Variants in TNRC6B observed in about 807,000 individuals in gnomAD.
TNRC6B encodes trinucleotide repeat containing adaptor 6B, also known as trinucleotide repeat-containing gene 6B protein.
A neutral mutation model predicts 203.6 loss-of-function variants in TNRC6B; 52 were observed. The observed-to-expected ratio is 0.26, with a 90% confidence interval of 0.20 to 0.32. The LOEUF is 0.32. Ranked by LOEUF, TNRC6B falls within the 10% of genes least tolerant of loss-of-function variation. TNRC6B has a pLI of 1.00. For synonymous variants in TNRC6B, 838 were observed against 845.7 expected, an observed-to-expected ratio of 0.99 and a Z score of 0.16; for missense variants, 1,923 against 2,286.2, an observed-to-expected ratio of 0.84 and a Z score of 3.24.
intron 1 of TNRC6B, among the ~76,000 whole-genome samples, chr22:40,085,101 C>T (rs954070442): frequency 1.3e-5 from 2 of 152,142 alleles, no homozygotes; most frequent in Non-Finnish European, 2.9e-5. Context: ...TTTCAATAGC[C>T]TGTGGAAAGG....
chr22:40,279,882 A>T lies in TNRC6B; in HGVS notation c.3263-113A>T, dbSNP rs1197936538. 3 of 836,822 alleles carry T rather than the reference A, an allele frequency of 3.6e-6. No individual in the cohort carries two copies. In the Admixed American group the frequency reaches 7.1e-5, roughly 20 times the overall value. The allele number at this position is 836,822 out of a possible 1,614,324, so 51.8% of individuals were successfully genotyped here. ...TCTCGTCTTATCCCCAGAAATAGAA[A>T]TATTAATAGCTTATACCCAGCACCC... On this transcript the variant is annotated intron_variant, in intron 9 of 22. Coordinates refer to ENST00000454349, the MANE Select transcript of TNRC6B (RefSeq NM_001162501.2).
chr22:40,158,631 A>G (rs1427746671), intron 4 of TNRC6B, among the ~76,000 whole-genome samples: 2 of 152,196 alleles, frequency 1.3e-5, no homozygotes, highest in African/African-American at 4.8e-5. Context: ...AAACAGCCCC[A>G]GCAAGTTGGA....
intron 9 of TNRC6B, among the ~76,000 whole-genome samples, chr22:40,278,985 C>T (rs2070689850): frequency 6.6e-6 from 1 of 152,228 alleles, no homozygotes; most frequent in Non-Finnish European, 1.5e-5. Flanking sequence ...CAGTGATCCA[C>T]CTTCCTCGCC....
intron 3 of TNRC6B, among the ~76,000 whole-genome samples, chr22:40,258,593 G>GT (rs1003547322): frequency 6.6e-6 from 1 of 152,018 alleles, no homozygotes; most frequent in African/African-American, 2.4e-5. Flanking sequence ...TGGAGGTTTT[G>GT]TTTTTTTCTT....
rs577754078 is a variant in TNRC6B, at chr22:40,275,451, A to T, written c.3142-1626A>T. 2.0e-3 allele frequency among the ~76,000 whole-genome samples: 305 copies of T among 152,180 alleles called. 2 individuals are homozygous for T. The highest frequency in any genetic ancestry group is 6.4e-3 in the African/African-American group (267 of 41,530). ...TTTATATACCGAGGGCGTTTTTTTTAAAAATTGTGATAAAATACATATAAC... is the reference window on the plus strand; with the variant it reads ...TTTATATACCGAGGGCGTTTTTTTTTAAAATTGTGATAAAATACATATAAC... On this transcript the variant is annotated intron_variant, in intron 7 of 22. Transcript: ENST00000454349.
intron 3 of TNRC6B, among the ~76,000 whole-genome samples, chr22:40,132,139 G>A (rs2068550539): frequency 6.6e-6 from 1 of 152,158 alleles, no homozygotes; most frequent in Non-Finnish European, 1.5e-5. Flanking sequence ...CTTGAGGTCA[G>A]GAGTTTGAGA....
intron 22 of TNRC6B, among the ~76,000 whole-genome samples, 162 bp from the exon 23 acceptor site, chr22:40,322,692 G>A (rs1369215287): frequency 6.6e-6 from 1 of 152,228 alleles, no homozygotes; most frequent in Admixed American, 6.5e-5. Flanking sequence ...GGACCCAGAG[G>A]TCTTGGGTGG....
At chr22:40,272,692 T>TG (rs1450774447) in intron 6 of TNRC6B, among the ~76,000 whole-genome samples, 1 of 152,260 alleles carries the variant, frequency 6.6e-6, no homozygotes, top group Non-Finnish European at 1.5e-5. Context: ...GGGATACTGA[T>TG]GTCCCACTTC....
chr22:40,077,725 A>AACCACTGTGATAATCACTCTGTGATAATC (rs2068029818), intron 1 of TNRC6B, among the ~76,000 whole-genome samples: 1 of 152,128 alleles, frequency 6.6e-6, no homozygotes, highest in Non-Finnish European at 1.5e-5. Flanking sequence ...TAATCCTCTT[A>AACCACTGTGATAATCACTCTGTGATAATC]CGCTGAGATA....
chr22:40,291,726 C>T (rs1429931968), intron 12 of TNRC6B, among the ~76,000 whole-genome samples: 3 of 152,226 alleles, frequency 2.0e-5, no homozygotes, highest in Non-Finnish European at 2.9e-5. Context: ...ACAAATAATG[C>T]TGCAGAGAAA....
chr22:40,215,372 C>T (rs2069621572), intron 1 of TNRC6B, among the ~76,000 whole-genome samples: 1 of 152,172 alleles, frequency 6.6e-6, no homozygotes, highest in African/African-American at 2.4e-5. Flanking sequence ...TGGGATCCTG[C>T]CAGCCACATT....
chr22:40,210,279 A>G (rs914076882), intron 1 of TNRC6B, among the ~76,000 whole-genome samples: 2 of 152,216 alleles, frequency 1.3e-5, no homozygotes, highest in African/African-American at 4.8e-5. Context: ...GATGAGACAG[A>G]CAGTGAGTAA....
intron 1 of TNRC6B, among the ~76,000 whole-genome samples, chr22:40,229,491 A>ATT (rs1648837192): frequency 7.2e-6 from 1 of 138,676 alleles, no homozygotes; most frequent in South Asian, 2.3e-4. Flanking sequence ...TTACCTCCTT[A>ATT]TTGAGGTATT....
intron 1 of TNRC6B, among the ~76,000 whole-genome samples, chr22:40,194,025 G>C (rs1020370368): frequency 1.3e-5 from 2 of 152,228 alleles, no homozygotes; most frequent in Middle Eastern, 3.2e-3. Flanking sequence ...GGGTTTGTCT[G>C]AGGTTGCGTG....
At chr22:40,057,728 C>A (rs898306145) in intron 1 of TNRC6B, among the ~76,000 whole-genome samples, 2 of 152,172 alleles carry the variant, frequency 1.3e-5, no homozygotes, top group African/African-American at 4.8e-5. Context: ...GTCTTGGGTA[C>A]TTGCTGGGTA....
At chr22:40,230,814 C>A (rs1053705875) in intron 1 of TNRC6B, among the ~76,000 whole-genome samples, 156 of 152,016 alleles carry the variant, frequency 1.0e-3, no homozygotes, top group Non-Finnish European at 4.1e-4. Context: ...AATAATTTTT[C>A]TAACATAGGG....
In TNRC6B at chr22:40,323,503, A is replaced by T. The variant is rs1455886153; in HGVS notation, c.*262A>T. The T allele has an allele frequency of 8.4e-6, 3 of 357,866 alleles. No homozygotes were observed. The highest frequency in any genetic ancestry group is 6.4e-5 in the African/African-American group (3 of 46,802). The allele number at this position is 357,866 out of a possible 1,614,324, so 22.2% of individuals were successfully genotyped here. A position where few individuals can be genotyped will look rare whatever the true frequency, so the allele number is the denominator to read the frequency against. On this transcript the variant is annotated 3_prime_UTR_variant, in exon 23 of 23. Coordinates refer to ENST00000454349, the MANE Select transcript of TNRC6B (RefSeq NM_001162501.2). Reference sequence around the variant, plus strand: ...ATACTTGAATCATGAACGCCAACCTAGAAAGACAATGTGAAGCAAGTACAC... The same window carrying T: ...ATACTTGAATCATGAACGCCAACCTTGAAAGACAATGTGAAGCAAGTACAC...
chr22:40,291,289 G>A (rs2070866376), intron 12 of TNRC6B, among the ~76,000 whole-genome samples: 1 of 152,060 alleles, frequency 6.6e-6, no homozygotes. Flanking sequence ...GGAGGCTGAG[G>A]TGAGAGGATG....
At chr22:40,292,476 A>G (rs905503890) in intron 12 of TNRC6B, among the ~76,000 whole-genome samples, 26 of 152,330 alleles carry the variant, frequency 1.7e-4, no homozygotes, top group Admixed American at 1.4e-3. Context: ...AAAGTAACAT[A>G]TTCCAGCAGG....
Sources: gnomAD v4.1 joint callset for allele counts (sites outside exome capture counted in the v4.1 genomes callset) on GRCh38, gnomAD v4.1.1 for gene constraint, MANE v1.5 for transcripts, NCBI Gene and HGNC (gene_info 2026-07-23, HGNC 2026-07-21) for gene names.